Variants in ANKFY1 observed in about 807,000 individuals in gnomAD.
The protein encoded by ANKFY1 is ankyrin repeat and FYVE domain containing 1.
Under a neutral mutation model 128.3 loss-of-function variants are expected in ANKFY1, and 47 were observed. The observed-to-expected ratio is 0.37, with a 90% CI of 0.29 to 0.47. ANKFY1 has a LOEUF of 0.47. Ranked by LOEUF, ANKFY1 falls within the 20% of genes least tolerant of loss-of-function variation. The pLI is 1.00. For synonymous variants in ANKFY1, 553 were observed against 601.6 expected, an observed-to-expected ratio of 0.92 and a Z score of 1.18; for missense variants, 1,222 against 1,510.6, an observed-to-expected ratio of 0.81 and a Z score of 3.17.
At chr17:4,200,539 A>C in intron 7 of ANKFY1, among the ~76,000 whole-genome samples, 1 of 152,158 alleles carries the variant, frequency 6.6e-6, no homozygotes, top group East Asian at 1.9e-4. Flanking sequence ...TACAGGATGA[A>C]TTTCTTGCAA....
intron 7 of ANKFY1, among the ~76,000 whole-genome samples, chr17:4,204,572 T>C (rs2059988997): frequency 6.6e-6 from 1 of 152,106 alleles, no homozygotes; most frequent in African/African-American, 2.4e-5. Flanking sequence ...AAAATAAACA[T>C]CAAAAATGTA....
intron 3 of ANKFY1, chr17:4,222,227 C>T (rs1056230004): frequency 2.0e-5 from 6 of 304,644 alleles, no homozygotes; most frequent in Non-Finnish European, 3.6e-5. Flanking sequence ...CCCGCCGCCC[C>T]GCGGACCCCG....
At chr17:4,174,089 C>T in intron 19 of ANKFY1, 33 bp from the exon 20 acceptor site, 1 of 1,607,524 alleles carries the variant, frequency 6.2e-7, no homozygotes, top group Non-Finnish European at 8.5e-7. Flanking sequence ...CAGTCAGTCT[C>T]TCTGCCACAA....
At chr17:4,188,871 A>G (rs79447816) in intron 11 of ANKFY1, 1 of 5,788 alleles carries the variant, frequency 1.7e-4, no homozygotes, top group Admixed American at 1.3e-3. Flanking sequence ...TGTCTCAAGA[A>G]AAAAAAAAAA....
chr17:4,212,770 C>CTTT (rs35264086), intron 4 of ANKFY1, among the ~76,000 whole-genome samples: 7 of 130,834 alleles, frequency 5.4e-5, no homozygotes, highest in African/African-American at 8.4e-5. Flanking sequence ...GCAGAACACA[C>CTTT]TTTTTTTTTT....
chr17:4,187,187 C>T (rs116361553), intron 11 of ANKFY1: 225 of 436,800 alleles, frequency 5.2e-4, no homozygotes, highest in African/African-American at 3.9e-3. Context: ...AATTCCATTA[C>T]GTCATTCTTG....
At chr17:4,168,019 G>T in intron 24 of ANKFY1, 108 bp from the exon 25 acceptor site, 1 of 1,285,790 alleles carries the variant, frequency 7.8e-7, no homozygotes, top group Non-Finnish European at 1.1e-6. Context: ...CGCCCGCAAT[G>T]CTACTCTGGC....
At position 4,178,267 on chromosome 17, in the gene ANKFY1, ACT is replaced by A. The variant is rs1465735444; in HGVS notation, c.2598+588_2598+589del. On this transcript the variant is annotated intron_variant, in intron 18 of 24. Coordinates refer to ENST00000341657, the MANE Select transcript of ANKFY1 (RefSeq NM_001330063.2). The surrounding 1 kb of genome is among the most constrained non-coding windows in gnomAD (Gnocchi z 4.1). ...GTTCCATCTCACCTTCATGAATGCC[ACT>A]GATAAATGCGCCAGTACTCTAGGTG... 6.5e-6 allele frequency: 1 copy of A among 154,738 alleles called. No homozygotes were observed. The highest frequency in any genetic ancestry group is 1.4e-5 in the Non-Finnish European group (1 of 69,582). 9.6% of individuals were successfully genotyped at this position (154,738 alleles called of 1,614,324 possible). A position where few individuals can be genotyped will look rare whatever the true frequency, so the allele number is the denominator to read the frequency against.
chr17:4,206,978 C>T lies in ANKFY1; in HGVS notation c.733-492G>A, dbSNP rs757801347. ...TATGGTGGGCAGAATTATCACCCCC[C>T]CCAAAGACGGACATGTCCTAATCCC... On this transcript the variant is annotated intron_variant, in intron 6 of 24. Transcript: ENST00000341657. 3.9e-5 allele frequency among the ~76,000 whole-genome samples: 6 copies of T among 152,288 alleles called. No individual in the cohort carries two copies. The East Asian group carries it at 9.6e-4, about 24-fold the overall frequency.
chr17:4,234,966 G>A (rs1215118093), intron 3 of ANKFY1, among the ~76,000 whole-genome samples: 2 of 152,042 alleles, frequency 1.3e-5, no homozygotes, highest in Non-Finnish European at 2.9e-5. Flanking sequence ...AATTCTGAAG[G>A]CTAATGGTCA....
In ANKFY1 at chr17:4,169,157, G is replaced by A. The variant is rs763791633; in HGVS notation, c.3377+41C>T. ...GAAGGGGGGAAGCAATGACATCAGC[G>A]GCAGTCCCCTCGCTCCTTGCCAGTG... On this transcript the variant is annotated intron_variant, in intron 24 of 24. Coordinates refer to ENST00000341657, the MANE Select transcript of ANKFY1 (RefSeq NM_001330063.2). The surrounding 1 kb of genome is among the most constrained non-coding windows in gnomAD (Gnocchi z 5.0). The A allele has an allele frequency of 1.5e-4, 230 of 1,508,286 alleles. No individual in the cohort carries two copies. Among genetic ancestry groups the A allele is most frequent in the Non-Finnish European group, 2.0e-4 (226 of 1,108,596 alleles). 93.4% of individuals were successfully genotyped at this position (1,508,286 alleles called of 1,614,324 possible). A position where few individuals can be genotyped will look rare whatever the true frequency, so the allele number is the denominator to read the frequency against.
At chr17:4,252,789 C>T (rs771863020) in intron 1 of ANKFY1, among the ~76,000 whole-genome samples, 16 of 152,102 alleles carry the variant, frequency 1.1e-4, no homozygotes, top group Non-Finnish European at 1.8e-4. Context: ...TGGAAACAAC[C>T]GGAATGTCCA....
At chr17:4,218,825 C>T (rs1182692036) in intron 3 of ANKFY1, among the ~76,000 whole-genome samples, 1 of 152,040 alleles carries the variant, frequency 6.6e-6, no homozygotes, top group Non-Finnish European at 1.5e-5. Context: ...AGTACTGAGC[C>T]GTGACTGCAC....
intron 3 of ANKFY1, 67 bp from the exon 4 acceptor site, chr17:4,217,185 C>G: frequency 6.4e-7 from 1 of 1,564,866 alleles, no homozygotes; most frequent in East Asian, 2.3e-5. Context: ...CTCAAGGGAT[C>G]CCTAAAATTT....
At chr17:4,241,032 C>A (rs2143363356) in intron 2 of ANKFY1, among the ~76,000 whole-genome samples, 1 of 151,782 alleles carries the variant, frequency 6.6e-6, no homozygotes, top group South Asian at 2.1e-4. Flanking sequence ...CCTGTTGCCG[C>A]TATAACCAGT....
chr17:4,207,158 G>GTCTAACCACAGAGGGCCCGATCTA (rs879906334), intron 6 of ANKFY1, among the ~76,000 whole-genome samples: 7 of 150,246 alleles, frequency 4.7e-5, no homozygotes, highest in African/African-American at 9.8e-5. Flanking sequence ...GGCCCGACCC[G>GTCTAACCACAGAGGGCCCGATCTA]TCTAACCACA....
At chr17:4,252,693 G>A (rs1967903214) in intron 1 of ANKFY1, among the ~76,000 whole-genome samples, 2 of 152,308 alleles carry the variant, frequency 1.3e-5, no homozygotes, top group South Asian at 2.1e-4. Context: ...TTGCCTTATG[G>A]CCAACAATTC....
chr17:4,191,248 T>G (rs1650504895), intron 10 of ANKFY1: 1 of 152,326 alleles, frequency 6.6e-6, no homozygotes. Context: ...TGCTCTATAC[T>G]GGAGACTCCT....
chr17:4,197,601 A>C (rs2059849636), intron 7 of ANKFY1, 24 bp from the exon 8 acceptor site: 1 of 1,607,966 alleles, frequency 6.2e-7, no homozygotes, highest in African/African-American at 1.3e-5. Context: ...AATAGAAGAA[A>C]CAGTGTCAGG....
Sources: gnomAD v4.1 joint callset for allele counts (sites outside exome capture counted in the v4.1 genomes callset) on GRCh38, gnomAD v4.1.1 for gene constraint, Gnocchi (gnomAD v3.1) non-coding constraint, MANE v1.5 for transcripts, NCBI Gene and HGNC (gene_info 2026-07-23, HGNC 2026-07-21) for gene names.